The following CSMD3 variants were observed in gnomAD, a reference collection of about 807,000 sequenced individuals.
CSMD3 encodes the protein CUB and sushi domain-containing protein 3.
Under a neutral mutation model 435.2 loss-of-function variants are expected in CSMD3, and 177 were observed. That is an observed-to-expected ratio of 0.41 (90% CI 0.36 to 0.46). The LOEUF is 0.46. Among genes scored for constraint, CSMD3 ranks in the 20% least tolerant of loss-of-function variants. The pLI is 0.34. For missense variants in CSMD3, 4,265 were observed against 4,504.6 expected, an observed-to-expected ratio of 0.95 and a Z score of 1.52; for synonymous variants, 1,656 against 1,520.5, an observed-to-expected ratio of 1.09 and a Z score of -2.07.
At position 113,019,262 on chromosome 8, in the gene CSMD3, G is replaced by A. The variant is rs559003849; in HGVS notation, c.918-83C>T. ...TTCACAAAATTGGGACCAAACAAAT[G>A]TCCAACTATATTCATGACTTTGCAC... On this transcript the variant is annotated intron_variant, in intron 5 of 70. Coordinates refer to ENST00000297405, the MANE Select transcript of CSMD3 (RefSeq NM_198123.2). The A allele has an allele frequency of 4.2e-5, 35 of 835,772 alleles. No individual in the cohort carries two copies. In the African/African-American group the frequency reaches 5.0e-4, roughly 12 times the overall value. The allele number at this position is 835,772 out of a possible 1,614,324, so 51.8% of individuals were successfully genotyped here.
chr8:112,475,817 T>C (rs1818990570), intron 31 of CSMD3, among the ~76,000 whole-genome samples: 1 of 152,214 alleles, frequency 6.6e-6, no homozygotes. Flanking sequence ...AGCTTTTATC[T>C]TTCTGGCTCT....
chr8:113,071,869 G>T lies in CSMD3; in HGVS notation c.917+26887C>A, dbSNP rs7829244. 7.3e-3 allele frequency among the ~76,000 whole-genome samples: 1,104 copies of T among 151,736 alleles called. 11 individuals are homozygous for T. Among genetic ancestry groups the T allele is most frequent in the African/African-American group, 0.026 (1,060 of 41,446 alleles). ...TAATAAAATTTGTTAGATTTTAATA[G>T]GGTTTGAATTGAATCTTTAGATCAC... is the stretch of plus-strand genomic sequence containing the variant. On this transcript the variant is annotated intron_variant, in intron 5 of 70. Coordinates refer to ENST00000297405, the MANE Select transcript of CSMD3 (RefSeq NM_198123.2).
At chr8:112,712,770 T>G (rs961274961) in intron 13 of CSMD3, among the ~76,000 whole-genome samples, 1 of 147,572 alleles carries the variant, frequency 6.8e-6, no homozygotes, top group South Asian at 2.2e-4. Context: ...TCCCTTGACA[T>G]GCCAAGACTG....
At chr8:112,739,236 A>T (rs2132045545) in intron 13 of CSMD3, among the ~76,000 whole-genome samples, 1 of 151,846 alleles carries the variant, frequency 6.6e-6, no homozygotes, top group South Asian at 2.1e-4. Context: ...ATAAATCAAC[A>T]GTTCTAATTC....
chr8:112,408,793 G>A lies in CSMD3; in HGVS notation c.5509+126C>T, dbSNP rs1832078931. 7 of 1,444,066 alleles carry A rather than the reference G, an allele frequency of 4.8e-6. No individual in the cohort carries two copies. In the Admixed American group the frequency reaches 1.1e-4, roughly 23 times the overall value. 89.5% of individuals were successfully genotyped at this position (1,444,066 alleles called of 1,614,324 possible). On this transcript the variant is annotated intron_variant, in intron 33 of 70. Transcript: ENST00000297405. ...GTTTCTATTCTTTAGAAAAAAAAAA[G>A]GTGACACTATTTTCAGTTTGCTTTA...
chr8:112,363,683 G>A lies in CSMD3; in HGVS notation c.6137-11149C>T, dbSNP rs1255560978. On this transcript the variant is annotated intron_variant, in intron 38 of 70. Transcript: ENST00000297405. ...ATCTCTACGTCATCATCACAAAGGG[G>A]TGAAAAATCAGTGAGATAATCAGGA... Among the ~76,000 whole-genome samples, 5 of 151,952 alleles carry A rather than the reference G, an allele frequency of 3.3e-5. No individual in the cohort carries two copies. In the South Asian group the frequency reaches 1.0e-3, roughly 31 times the overall value.
intron 50 of CSMD3, among the ~76,000 whole-genome samples, chr8:112,307,952 A>G (rs1298527047): frequency 6.6e-6 from 1 of 152,180 alleles, no homozygotes; most frequent in East Asian, 1.9e-4. Flanking sequence ...AATTTTCATT[A>G]ACCCACGTAA....
intron 5 of CSMD3, among the ~76,000 whole-genome samples, chr8:113,082,187 ATG>A (rs147729977): frequency 0.67 from 101,910 of 151,722 alleles, 35,836 homozygotes; most frequent in East Asian, 0.95. Flanking sequence ...CTCTTCAGCA[ATG>A]GGGCAGCTGT....
At chr8:113,127,334 T>A (rs1025741609) in intron 4 of CSMD3, among the ~76,000 whole-genome samples, 2 of 152,090 alleles carry the variant, frequency 1.3e-5, no homozygotes, top group African/African-American at 4.8e-5. Flanking sequence ...AAGGTCATAA[T>A]TTTCTTCCAC....
chr8:112,953,535 A>G (rs2083902384), intron 8 of CSMD3, among the ~76,000 whole-genome samples: 1 of 151,418 alleles, frequency 6.6e-6, no homozygotes. Context: ...TACCAGATCA[A>G]TGGTTTCCTA....
chr8:113,428,896 T>C (rs1286026021), intron 1 of CSMD3, among the ~76,000 whole-genome samples: 1 of 151,882 alleles, frequency 6.6e-6, no homozygotes, highest in Non-Finnish European at 1.5e-5. Flanking sequence ...TATTTTTTAA[T>C]GTCATAGTTA....
chr8:112,583,135 T>C (rs1053227452), intron 23 of CSMD3, among the ~76,000 whole-genome samples: 1 of 151,934 alleles, frequency 6.6e-6, no homozygotes, highest in African/African-American at 2.4e-5. Flanking sequence ...AAATGATTGG[T>C]TCCGGAAGTG....
chr8:113,422,980 G>A (rs2094616201), intron 1 of CSMD3, among the ~76,000 whole-genome samples: 1 of 151,744 alleles, frequency 6.6e-6, no homozygotes, highest in South Asian at 2.1e-4. Context: ...ATATCTTGGG[G>A]AAGGAACCCA....
chr8:113,258,979 G>T (rs1324131970), intron 3 of CSMD3, among the ~76,000 whole-genome samples: 1 of 152,100 alleles, frequency 6.6e-6, no homozygotes, highest in Non-Finnish European at 1.5e-5. Flanking sequence ...AATGTTTTTG[G>T]ATGTGAACAA....
At chr8:112,424,657 C>A (rs1369650132) in intron 32 of CSMD3, among the ~76,000 whole-genome samples, 8 of 151,900 alleles carry the variant, frequency 5.3e-5, no homozygotes, top group African/African-American at 1.9e-4. Context: ...TTTTCATGTT[C>A]CCATTCTTCT....
intron 3 of CSMD3, among the ~76,000 whole-genome samples, chr8:113,249,686 G>A (rs1286043244): frequency 6.6e-6 from 1 of 151,950 alleles, no homozygotes; most frequent in Non-Finnish European, 1.5e-5. Flanking sequence ...ACTGCCTTAT[G>A]TCCTGAGTGA....
At chr8:113,314,834 A>C in intron 1 of CSMD3, 41 bp from the exon 2 acceptor site, 1 of 1,218,410 alleles carries the variant, frequency 8.2e-7, no homozygotes, top group Non-Finnish European at 1.2e-6. Context: ...TATTATATAA[A>C]TCAAGAACAA....
At chr8:113,071,537 A>G (rs2089120624) in intron 5 of CSMD3, among the ~76,000 whole-genome samples, 1 of 151,870 alleles carries the variant, frequency 6.6e-6, no homozygotes, top group African/African-American at 2.4e-5. Context: ...CTTCGTGTAG[A>G]TACATTTTTT....
intron 16 of CSMD3, among the ~76,000 whole-genome samples, chr8:112,672,464 T>C (rs989614673): frequency 1.3e-5 from 2 of 151,986 alleles, no homozygotes; most frequent in African/African-American, 4.8e-5. Flanking sequence ...CTTCTAATAG[T>C]TGTAAGATGG....
Sources: gnomAD v4.1 joint callset for allele counts (sites outside exome capture counted in the v4.1 genomes callset) on GRCh38, gnomAD v4.1.1 for gene constraint, MANE v1.5 for transcripts, NCBI Gene and HGNC (gene_info 2026-07-23, HGNC 2026-07-21) for gene names.